Variants in A2M observed in about 807,000 individuals in gnomAD.
A2M encodes C3 and PZP-like alpha-2-macroglobulin domain-containing protein 5.
A2M carries 128 observed loss-of-function variants against 183.9 expected under a neutral mutation model. The ratio of observed to expected loss-of-function variants is 0.70; its 90% CI spans 0.60 to 0.81. The LOEUF is 0.81. Among genes scored for constraint, A2M ranks in the 30% least tolerant of loss-of-function variants. A2M has a pLI of 0.00. For missense variants in A2M, 1,495 were observed against 1,787.6 expected (o/e 0.84, Z 2.95); for synonymous variants, 592 against 670.8 (o/e 0.88, Z 1.81).
At chr12:9,088,939 A>C (rs1369902249) in intron 22 of A2M, among the ~76,000 whole-genome samples, 2 of 152,192 alleles carry the variant, frequency 1.3e-5, no homozygotes, top group Admixed American at 6.5e-5. Flanking sequence ...CTTTCTACCT[A>C]TGCCCATACC....
chr12:9,077,456 T>G, intron 26 of A2M, 36 bp from the exon 27 acceptor site: 1 of 1,579,866 alleles, frequency 6.3e-7, no homozygotes, highest in Non-Finnish European at 8.7e-7. Flanking sequence ...ATAATTCAAC[T>G]TCTGAGAATG....
chr12:9,079,270 T>A lies in A2M; in HGVS notation c.3093A>T (p.Arg1031=), dbSNP rs758711131. 7 of 1,613,772 alleles carry A rather than the reference T, an allele frequency of 4.3e-6. No individual in the cohort carries two copies. Among genetic ancestry groups the A allele is most frequent in the Middle Eastern group, 3.3e-4 (2 of 6,058 alleles). ...YDGSYSTFGE[R]YGRNQGNTWL... ...AGGTGTTGCCCTGGTTCCTGCCATA[T>A]CGCTCCCCAAAGGTGCTGTAGGAGC... Residue 1031 remains arginine (R), a synonymous_variant, in exon 25 of 36, where the codon CGA becomes CGT. Coordinates refer to ENST00000318602, the MANE Select transcript of A2M (RefSeq NM_000014.6).
Position 9,074,777 on chromosome 12 carries a change from G to C in A2M, c.3539C>G (p.Ser1180Cys), listed in dbSNP as rs1490864105. 6.2e-7 allele frequency: 1 copy of C among 1,611,360 alleles called. No homozygotes were observed. Among genetic ancestry groups the C allele is most frequent in the Admixed American group, 1.7e-5 (1 of 59,574 alleles). ...LNEEAVKKDN[S>C]VHWERPQKPK... is the part of the protein sequence containing the mutation. ...TTTCTGAGGGCGCTCCCAATGGACA[G>C]AGTTGTCTTAAAGATGAGAAAAAGA... The change falls in exon 29 of 36, where the codon TCT (serine) becomes TGT (cysteine). Residue 1180 changes from serine to cysteine, a missense_variant. Physicochemically the swap from Ser to Cys is moderately radical, Grantham distance 112 (BLOSUM62 -1). Coordinates refer to ENST00000318602, the MANE Select transcript of A2M (RefSeq NM_000014.6).
chr12:9,076,100 G>A (rs1189869197), intron 28 of A2M, among the ~76,000 whole-genome samples: 1 of 152,104 alleles, frequency 6.6e-6, no homozygotes, highest in Non-Finnish European at 1.5e-5. Context: ...AACATTATTG[G>A]TCTTATGAAA....
chr12:9,068,857 T>G lies in A2M; in HGVS notation c.4264-15A>C. Reference sequence around the variant, plus strand: ...TGATTTGACACCTGGAAAGCAAAAGTCAATTAAATGACCTTTCAGGAAGCT... The same window carrying G: ...TGATTTGACACCTGGAAAGCAAAAGGCAATTAAATGACCTTTCAGGAAGCT... On this transcript the variant is annotated splice_polypyrimidine_tract_variant and intron_variant, in intron 33 of 35. Coordinates refer to ENST00000318602, the MANE Select transcript of A2M (RefSeq NM_000014.6). 1 of 1,557,334 alleles carries G rather than the reference T, an allele frequency of 6.4e-7. No individual in the cohort carries two copies. Among genetic ancestry groups the G allele is most frequent in the East Asian group, 2.3e-5 (1 of 43,972 alleles).
At chr12:9,083,830 C>T (rs1388871119) in intron 22 of A2M, among the ~76,000 whole-genome samples, 3 of 149,408 alleles carry the variant, frequency 2.0e-5, no homozygotes, top group Non-Finnish European at 4.4e-5. Flanking sequence ...ACAGGAGGCA[C>T]AGAGGTCTCC....
At position 9,086,075 on chromosome 12, in the gene A2M, A is replaced by G. The variant is rs139094143; in HGVS notation, c.2770+3125T>C. On this transcript the variant is annotated intron_variant, in intron 22 of 35. Coordinates refer to ENST00000318602, the MANE Select transcript of A2M (RefSeq NM_000014.6). ...AGGTTCTACTTATCATTTAAAAAGA[A>G]TGAATACCAATCCTTCTCAAACTCT... Among the ~76,000 whole-genome samples, 3 of 152,236 alleles carry G rather than the reference A, an allele frequency of 2.0e-5. 1 individual carries two copies. The South Asian group carries it at 6.2e-4, about 31-fold the overall frequency.
At chr12:9,106,202 C>T (rs1156392664) in intron 10 of A2M, 34 bp downstream of exon 10, 2 of 1,291,650 alleles carry the variant, frequency 1.5e-6, no homozygotes, top group African/African-American at 1.5e-5. Flanking sequence ...GGTAACAGTA[C>T]ATGGGTTGAT....
chr12:9,100,094 A>G (rs1168066986), intron 13 of A2M, among the ~76,000 whole-genome samples: 1 of 152,202 alleles, frequency 6.6e-6, no homozygotes, highest in Non-Finnish European at 1.5e-5. Context: ...AGTCTACTAG[A>G]CTAGGAGCAA....
At chr12:9,084,506 C>T (rs10842839) in intron 22 of A2M, among the ~76,000 whole-genome samples, 84,106 of 151,810 alleles carry the variant, frequency 0.55, 24,927 homozygotes, top group African/African-American at 0.76. Flanking sequence ...ACTGTAAACC[C>T]CATAGTAACA....
At position 9,070,566 on chromosome 12, in the gene A2M, G is replaced by A. The variant is rs746015196; in HGVS notation, c.4116C>T (p.Ser1372=). ...QISLSVSYTG[S]RSASNMAIVD... is the part of the protein sequence containing the mutation. ...CGATCGCCATGTTGGAGGCAGAGCGGCTCCCTGTGTAACTGAGGATCCAGG... is the reference window on the plus strand; with the variant it reads ...CGATCGCCATGTTGGAGGCAGAGCGACTCCCTGTGTAACTGAGGATCCAGG... Residue 1372 remains serine (S), a synonymous_variant, in exon 32 of 36, where the codon AGC becomes AGT. Transcript: ENST00000318602. 1 of 1,613,106 alleles carries A rather than the reference G, an allele frequency of 6.2e-7. No homozygotes were observed. The highest frequency in any genetic ancestry group is 8.5e-7 in the Non-Finnish European group (1 of 1,179,336).
At chr12:9,105,160 A>G (rs1179235033) in intron 10 of A2M, among the ~76,000 whole-genome samples, 1 of 152,190 alleles carries the variant, frequency 6.6e-6, no homozygotes, top group Non-Finnish European at 1.5e-5. Context: ...AGTATAAGCT[A>G]CAGTTGGTAG....
intron 29 of A2M, among the ~76,000 whole-genome samples, chr12:9,073,963 C>G (rs1451194027): frequency 6.6e-6 from 1 of 151,924 alleles, no homozygotes; most frequent in African/African-American, 2.4e-5. Flanking sequence ...TTGCACATGA[C>G]TGTAATCCTA....
intron 20 of A2M, 62 bp downstream of exon 20, chr12:9,090,294 A>G: frequency 6.2e-7 from 1 of 1,608,870 alleles, no homozygotes. Flanking sequence ...ACTCAATATA[A>G]GGTTCCCACT....
At chr12:9,100,542 G>T (rs1029077680) in intron 13 of A2M, among the ~76,000 whole-genome samples, 1 of 151,874 alleles carries the variant, frequency 6.6e-6, no homozygotes, top group Non-Finnish European at 1.5e-5. Context: ...TTCTCCCAAA[G>T]TACTGGGATT....
intron 13 of A2M, among the ~76,000 whole-genome samples, chr12:9,100,024 T>A (rs1426135969): frequency 6.6e-6 from 1 of 152,230 alleles, no homozygotes; most frequent in African/African-American, 2.4e-5. Flanking sequence ...GCTTCTGTGT[T>A]GCTACAAGAA....
rs774667464 is a variant in A2M at position 9,095,544 on chromosome 12, G to A, written c.2008C>T (p.Leu670=). The A allele has an allele frequency of 5.8e-5, 93 of 1,610,680 alleles. 1 individual carries two copies. The South Asian group carries it at 7.8e-4, about 14-fold the overall frequency. Residue 670 remains leucine, a synonymous_variant, in exon 16 of 36, where the codon CTA becomes TTA. Transcript: ENST00000318602. ...CTGCAACATAAGGAGTTTACCTCTA[G>A]GAAGCTGTACATATCCTTTTCATTT... ...STNEKDMYSF[L]EDMGLKAFTN... is the part of the protein sequence containing the mutation.
chr12:9,104,664 A>G (rs961063099), intron 10 of A2M, among the ~76,000 whole-genome samples: 3 of 152,190 alleles, frequency 2.0e-5, no homozygotes, highest in Middle Eastern at 6.4e-3. Flanking sequence ...GTGTGAAGGG[A>G]TAGAGAGTGA....
rs751078666 is a variant in A2M, at chr12:9,089,240, T to C, written c.2730A>G (p.Leu910=). The C allele has an allele frequency of 1.9e-6, 3 of 1,587,770 alleles. No homozygotes were observed. The highest frequency in any genetic ancestry group is 2.6e-6 in the Non-Finnish European group (3 of 1,165,028). Residue 910 remains leucine, a synonymous_variant, in exon 22 of 36, where the codon CTA becomes CTG. Transcript: ENST00000318602. ...GGGAGTTGAATGTTGTTTCCTTCTC[T>C]AGTCCTTCAGGCTTTAGGTAAAAGA... ...IKPLLVEPEG[L]EKETTFNSLL...
Sources: allele counts gnomAD v4.1 joint callset (sites outside exome capture counted in the v4.1 genomes callset), GRCh38; gene constraint gnomAD v4.1.1; transcripts MANE v1.5; gene names NCBI Gene and HGNC (gene_info 2026-07-23, HGNC 2026-07-21).